The following CLSTN2 variants were observed in gnomAD, a reference collection of about 807,000 sequenced individuals.
CLSTN2 encodes the protein calsyntenin-2.
CLSTN2 carries 48 observed loss-of-function variants against 101.2 expected under a neutral mutation model. That is an observed-to-expected ratio of 0.47 (90% CI 0.38 to 0.60). CLSTN2 has a LOEUF of 0.60. CLSTN2 is among the 20% of genes least tolerant of loss of function. CLSTN2 has a pLI of 0.00. For synonymous variants in CLSTN2, 481 were observed against 463.6 expected, an observed-to-expected ratio of 1.04 and a Z score of -0.48; for missense variants, 1,160 against 1,238.2, an observed-to-expected ratio of 0.94 and a Z score of 0.95.
intron 1 of CLSTN2, among the ~76,000 whole-genome samples, chr3:140,120,263 T>G (rs1033558648): frequency 6.6e-6 from 1 of 152,144 alleles, no homozygotes; most frequent in Non-Finnish European, 1.5e-5. Flanking sequence ...ATGCCGTTAA[T>G]TTGTTGGAGT....
At chr3:140,265,472 C>A (rs1198045813) in intron 2 of CLSTN2, among the ~76,000 whole-genome samples, 3 of 152,190 alleles carry the variant, frequency 2.0e-5, no homozygotes, top group Non-Finnish European at 2.9e-5. Context: ...TTCTAAACCA[C>A]AGCTGTACGT....
chr3:140,367,686 A>G (rs1278525759), intron 2 of CLSTN2, among the ~76,000 whole-genome samples: 1 of 152,226 alleles, frequency 6.6e-6, no homozygotes, highest in African/African-American at 2.4e-5. Context: ...GTGGGGCTCC[A>G]CAGCATTTTT....
chr3:140,017,822 C>A (rs1224848079), intron 1 of CLSTN2, among the ~76,000 whole-genome samples: 1 of 152,228 alleles, frequency 6.6e-6, no homozygotes, highest in Non-Finnish European at 1.5e-5. Context: ...TTTGCTTCTA[C>A]CTGCAAATGT....
chr3:140,215,134 T>C (rs756691686), intron 2 of CLSTN2, among the ~76,000 whole-genome samples: 4 of 152,222 alleles, frequency 2.6e-5, no homozygotes, highest in African/African-American at 4.8e-5. Context: ...GGTTTTACAA[T>C]AGGAAAAGCC....
chr3:140,442,244 T>C (rs567171523), intron 5 of CLSTN2, among the ~76,000 whole-genome samples: 19 of 152,210 alleles, frequency 1.2e-4, no homozygotes, highest in Non-Finnish European at 2.6e-4. Context: ...CCCACAACCC[T>C]ACACACCCCT....
chr3:140,451,718 G>A (rs1478033230), intron 6 of CLSTN2, among the ~76,000 whole-genome samples: 2 of 152,216 alleles, frequency 1.3e-5, no homozygotes, highest in African/African-American at 4.8e-5. Flanking sequence ...ATGGAAGCTG[G>A]GTTGTAATGC....
intron 1 of CLSTN2, among the ~76,000 whole-genome samples, chr3:140,173,020 T>C (rs1166770381): frequency 1.3e-5 from 2 of 152,092 alleles, no homozygotes; most frequent in Non-Finnish European, 2.9e-5. Flanking sequence ...AATCATGCCT[T>C]CCCAACAGTC....
At chr3:140,218,641 G>A (rs1173092177) in intron 2 of CLSTN2, among the ~76,000 whole-genome samples, 1 of 152,112 alleles carries the variant, frequency 6.6e-6, no homozygotes, top group East Asian at 1.9e-4. Flanking sequence ...TAAAAATACT[G>A]AGTACGTCAA....
chr3:140,290,179 G>A (rs546773684), intron 2 of CLSTN2, among the ~76,000 whole-genome samples: 56 of 152,078 alleles, frequency 3.7e-4, no homozygotes, highest in Middle Eastern at 3.4e-3. Flanking sequence ...CACCCATTTC[G>A]ATGAAGTGTT....
intron 2 of CLSTN2, among the ~76,000 whole-genome samples, chr3:140,221,796 C>A (rs559129279): frequency 6.6e-6 from 1 of 152,122 alleles, no homozygotes; most frequent in Admixed American, 6.5e-5. Flanking sequence ...GCATCTCACT[C>A]CAGTTAAAAT....
chr3:140,233,570 TA>T (rs1261294836), intron 2 of CLSTN2, among the ~76,000 whole-genome samples: 1 of 152,238 alleles, frequency 6.6e-6, no homozygotes, highest in African/African-American at 2.4e-5. Flanking sequence ...TTGTATATGT[TA>T]GATGACATTT....
intron 2 of CLSTN2, among the ~76,000 whole-genome samples, chr3:140,310,891 A>G (rs930459389): frequency 4.6e-5 from 7 of 152,246 alleles, no homozygotes; most frequent in Non-Finnish European, 1.0e-4. Flanking sequence ...TTGTGTACCT[A>G]GTACAAACCA....
At chr3:140,120,407 T>G in intron 1 of CLSTN2, among the ~76,000 whole-genome samples, 1 of 152,172 alleles carries the variant, frequency 6.6e-6, no homozygotes, top group East Asian at 1.9e-4. Context: ...GGCATAGCAC[T>G]TTCTAGGAAC....
At chr3:139,968,695 A>T in intron 1 of CLSTN2, among the ~76,000 whole-genome samples, 1 of 152,218 alleles carries the variant, frequency 6.6e-6, no homozygotes, top group East Asian at 1.9e-4. Flanking sequence ...CGAGGCAATG[A>T]CTTCGTGGTT....
intron 3 of CLSTN2, 61 bp from the exon 4 acceptor site, chr3:140,404,497 A>ACAGGAGGTT: frequency 6.7e-7 from 1 of 1,492,780 alleles, no homozygotes; most frequent in South Asian, 1.1e-5. Context: ...CCCAGGAGGT[A>ACAGGAGGTT]CAGGAGGTTG....
intron 2 of CLSTN2, among the ~76,000 whole-genome samples, chr3:140,325,744 C>G (rs1354037128): frequency 2.0e-5 from 3 of 152,174 alleles, no homozygotes; most frequent in Non-Finnish European, 2.9e-5. Context: ...TTCTTCTCCT[C>G]TACCTTTGCC....
chr3:140,428,457 G>T (rs1178166735), intron 5 of CLSTN2, among the ~76,000 whole-genome samples: 3 of 152,016 alleles, frequency 2.0e-5, no homozygotes, highest in Non-Finnish European at 4.4e-5. Context: ...GACTTTCCTT[G>T]TGGGCTTTCA....
chr3:140,092,453 T>C (rs1432148018), intron 1 of CLSTN2, among the ~76,000 whole-genome samples: 1 of 152,186 alleles, frequency 6.6e-6, no homozygotes, highest in African/African-American at 2.4e-5. Flanking sequence ...GGAAGGAGGC[T>C]TAGAGTGGGG....
intron 1 of CLSTN2, among the ~76,000 whole-genome samples, chr3:140,084,823 A>G (rs1030000904): frequency 1.3e-5 from 2 of 152,172 alleles, no homozygotes; most frequent in African/African-American, 4.8e-5. Flanking sequence ...CTGCTTACCT[A>G]CTTCCTAGCA....
Sources: gnomAD v4.1 joint callset for allele counts (sites outside exome capture counted in the v4.1 genomes callset) on GRCh38, gnomAD v4.1.1 for gene constraint, MANE v1.5 for transcripts, NCBI Gene and HGNC (gene_info 2026-07-23, HGNC 2026-07-21) for gene names.